ST7: variants seen among roughly 807,000 people sequenced by gnomAD.
The protein encoded by ST7 is suppressor of tumorigenicity 7 protein.
Under a neutral mutation model 78.7 loss-of-function variants are expected in ST7, and 28 were observed. The ratio of observed to expected loss-of-function variants is 0.36; its 90% CI spans 0.26 to 0.49. ST7 has a LOEUF of 0.49. Among genes scored for constraint, ST7 ranks in the 20% least tolerant of loss-of-function variants. The probability of loss-of-function intolerance (pLI) is 0.99; values close to 1 mark genes in which losing one functional copy is unlikely to be tolerated. For synonymous variants in ST7, 247 were observed against 249.6 expected (o/e 0.99, Z 0.10); for missense variants, 418 against 696.0 (o/e 0.60, Z 4.49).
At chr7:117,119,406 A>G (rs1295370451) in intron 2 of ST7, among the ~76,000 whole-genome samples, 155 bp from the exon 3 acceptor site, 3 of 152,244 alleles carry the variant, frequency 2.0e-5, no homozygotes, top group Non-Finnish European at 4.4e-5. Context: ...AAATGTTATT[A>G]TTAAATTTAC....
At chr7:117,215,692 G>A (rs1272670832) in intron 13 of ST7, among the ~76,000 whole-genome samples, 1 of 152,200 alleles carries the variant, frequency 6.6e-6, no homozygotes, top group African/African-American at 2.4e-5. Flanking sequence ...TGTACACACA[G>A]CACCATGACT....
At chr7:117,115,860 AACCAGGCC>A (rs1802840119) in intron 2 of ST7, among the ~76,000 whole-genome samples, 2 of 152,198 alleles carry the variant, frequency 1.3e-5, no homozygotes, top group Non-Finnish European at 2.9e-5. Flanking sequence ...CTGTTACATC[AACCAGGCC>A]AGCCCTTATC....
intron 1 of ST7, among the ~76,000 whole-genome samples, chr7:116,967,050 T>C (rs1429651203): frequency 3.9e-5 from 6 of 152,204 alleles, no homozygotes; most frequent in Non-Finnish European, 8.8e-5. Flanking sequence ...TCAAACCCCT[T>C]GATGTATGTG....
At chr7:117,054,524 C>A (rs1275361248) in intron 1 of ST7, among the ~76,000 whole-genome samples, 2 of 152,204 alleles carry the variant, frequency 1.3e-5, no homozygotes. Context: ...TTTTCCTCTT[C>A]TTCTTCAAAG....
chr7:117,209,760 CAA>C, intron 12 of ST7, 25 bp from the exon 13 acceptor site: 1 of 1,606,648 alleles, frequency 6.2e-7, no homozygotes, highest in East Asian at 2.2e-5. Flanking sequence ...GGTATTAACA[CAA>C]GTGTGTCCTG....
At chr7:117,022,714 G>T (rs1745762484) in intron 1 of ST7, among the ~76,000 whole-genome samples, 1 of 152,178 alleles carries the variant, frequency 6.6e-6, no homozygotes, top group Admixed American at 6.5e-5. Context: ...TACTGTGGTA[G>T]ATCCTGGTAA....
At chr7:117,065,660 A>G (rs1309859356) in intron 1 of ST7, among the ~76,000 whole-genome samples, 1 of 152,194 alleles carries the variant, frequency 6.6e-6, no homozygotes, top group African/African-American at 2.4e-5. Flanking sequence ...AATCTCTGCG[A>G]TAGCATAATC....
chr7:117,091,870 C>T (rs1584630488), intron 1 of ST7, among the ~76,000 whole-genome samples: 1 of 152,130 alleles, frequency 6.6e-6, no homozygotes, highest in African/African-American at 2.4e-5. Context: ...GACCAGGCTG[C>T]TATCTCAATT....
chr7:117,010,082 G>A (rs892873990), intron 1 of ST7, among the ~76,000 whole-genome samples: 1 of 152,182 alleles, frequency 6.6e-6, no homozygotes, highest in Non-Finnish European at 1.5e-5. Flanking sequence ...TGCTCAATAA[G>A]GATGATTGTT....
chr7:117,137,367 AAG>A (rs1300369562), intron 8 of ST7: 2 of 152,186 alleles, frequency 1.3e-5, no homozygotes, highest in African/African-American at 4.8e-5. Context: ...TTTAATAAAA[AAG>A]TATTTTAGTG....
intron 1 of ST7, among the ~76,000 whole-genome samples, chr7:117,027,211 A>C (rs1796228416): frequency 6.6e-6 from 1 of 152,208 alleles, no homozygotes; most frequent in Admixed American, 6.5e-5. Flanking sequence ...TGGGAGGCCA[A>C]GGCAGGTGGA....
chr7:117,029,327 C>T (rs1397756043), intron 1 of ST7, among the ~76,000 whole-genome samples: 1 of 151,372 alleles, frequency 6.6e-6, no homozygotes, highest in East Asian at 1.9e-4. Context: ...TTTTAATTTG[C>T]ATGTCTTTCA....
intron 2 of ST7, among the ~76,000 whole-genome samples, chr7:117,110,766 T>C (rs540851794): frequency 1.3e-5 from 2 of 152,356 alleles, no homozygotes; most frequent in East Asian, 3.9e-4. Context: ...GTTTTCCTTT[T>C]TAACTCAAAG....
At chr7:116,996,007 C>T (rs1416365658) in intron 1 of ST7, among the ~76,000 whole-genome samples, 2 of 152,014 alleles carry the variant, frequency 1.3e-5, no homozygotes, top group Non-Finnish European at 2.9e-5. Context: ...AGAGTTCCTA[C>T]CCCTTCTTAC....
At chr7:117,112,186 A>G (rs1802486637) in intron 2 of ST7, 1 of 152,142 alleles carries the variant, frequency 6.6e-6, no homozygotes, top group East Asian at 1.9e-4. Flanking sequence ...AGAACAGGAA[A>G]TGGAGAAAAT....
intron 9 of ST7, among the ~76,000 whole-genome samples, chr7:117,157,873 G>A (rs1414756469): frequency 5.3e-5 from 8 of 152,098 alleles, no homozygotes; most frequent in African/African-American, 1.2e-4. Context: ...CATGATCTCC[G>A]GGCTAGGACA....
intron 1 of ST7, among the ~76,000 whole-genome samples, chr7:117,058,798 T>G (rs2116424386): frequency 6.6e-6 from 1 of 152,202 alleles, no homozygotes; most frequent in Middle Eastern, 3.4e-3. Flanking sequence ...AACCTAAGTA[T>G]CCATTGACAG....
intron 1 of ST7, chr7:117,081,089 AATTAT>A (rs1165624952): frequency 6.6e-6 from 1 of 152,178 alleles, no homozygotes; most frequent in African/African-American, 2.4e-5. Context: ...AGAGAAAATA[AATTAT>A]ATTAGTTATT....
At chr7:117,188,882 T>C (rs918473811) in intron 10 of ST7, among the ~76,000 whole-genome samples, 3 of 152,216 alleles carry the variant, frequency 2.0e-5, no homozygotes, top group African/African-American at 7.2e-5. Context: ...AATCATTCAT[T>C]TGGCTAAGTC....
Sources: gnomAD v4.1 joint callset for allele counts (sites outside exome capture counted in the v4.1 genomes callset) on GRCh38, gnomAD v4.1.1 for gene constraint, MANE v1.5 for transcripts, NCBI Gene and HGNC (gene_info 2026-07-23, HGNC 2026-07-21) for gene names.